Variants in RGS6 observed in about 807,000 individuals in gnomAD.
RGS6 encodes regulator of G-protein signaling 6.
A neutral mutation model predicts 78.5 loss-of-function variants in RGS6; 30 were observed. The ratio of observed to expected loss-of-function variants is 0.38; its 90% confidence interval spans 0.29 to 0.52. The LOEUF is 0.52. Among genes scored for constraint, RGS6 ranks in the 20% least tolerant of loss-of-function variants. The pLI is 0.85. For missense variants in RGS6, 495 were observed against 609.7 expected (o/e 0.81, Z 1.98); for synonymous variants, 206 against 206.0 (o/e 1.00, Z 0.00).
intron 2 of RGS6, among the ~76,000 whole-genome samples, chr14:72,152,245 A>AGTGT (rs10686344): frequency 1.1e-3 from 105 of 97,220 alleles, no homozygotes; most frequent in African/African-American, 1.8e-3. Context: ...AGAGAGAGAG[A>AGTGT]GTGTGTGTGT....
intron 2 of RGS6, among the ~76,000 whole-genome samples, chr14:71,980,316 G>T (rs977807617): frequency 7.5e-6 from 1 of 134,000 alleles, no homozygotes; most frequent in Non-Finnish European, 1.6e-5. Flanking sequence ...GATGTTAGCT[G>T]GTGATTTTGC....
In RGS6 at chr14:72,323,800, C is replaced by CAA. The variant is rs58303649; in HGVS notation, c.85-28255_85-28254dup. Among the ~76,000 whole-genome samples the CAA allele has an allele frequency of 1.4e-3, 24 of 16,816 alleles. 7 individuals are homozygous for CAA. The highest frequency in any genetic ancestry group is 7.9e-3 in the South Asian group (2 of 254). The allele number at this position is 16,816 out of a possible 152,430, so 11.0% of individuals were successfully genotyped here. A position where few individuals can be genotyped will look rare whatever the true frequency, so the allele number is the denominator to read the frequency against. On this transcript the variant is annotated intron_variant, in intron 2 of 17. Coordinates refer to ENST00000553525, the MANE Select transcript of RGS6 (RefSeq NM_001204424.2). ...TGGGTGACAGAGTGAGACTCCATCT[C>CAA]AAAAAAAAAAAAAAAAAAAAAAAAA...
chr14:72,612,997 T>TGTGTGC, the RGS6 span, among the ~76,000 whole-genome samples: 1 of 47,386 alleles, frequency 2.1e-5, no homozygotes, highest in Admixed American at 1.8e-4. Context: ...GTAGGGCGTG[T>TGTGTGC]GTGTGTGTGT....
intron 2 of RGS6, among the ~76,000 whole-genome samples, chr14:72,210,049 G>A (rs74909591): frequency 0.017 from 2,548 of 152,288 alleles, 35 homozygotes; most frequent in Non-Finnish European, 0.025. Context: ...TCAGGAAGAG[G>A]ATCTCTTGTC....
intron 3 of RGS6, among the ~76,000 whole-genome samples, chr14:72,377,403 A>G (rs995907833): frequency 6.6e-6 from 1 of 152,204 alleles, no homozygotes; most frequent in South Asian, 2.1e-4. Flanking sequence ...TAAAGCAAAT[A>G]TTATTAGATC....
At chr14:72,403,630 C>G (rs771717713) in intron 3 of RGS6, among the ~76,000 whole-genome samples, 4 of 152,170 alleles carry the variant, frequency 2.6e-5, no homozygotes, top group Non-Finnish European at 5.9e-5. Context: ...ATTGAAAACT[C>G]TTTGAGGTGA....
intron 2 of RGS6, among the ~76,000 whole-genome samples, chr14:72,046,282 TACAC>T (rs1362461936): frequency 1.3e-5 from 2 of 150,132 alleles, no homozygotes; most frequent in African/African-American, 4.9e-5. Flanking sequence ...GCATGACACA[TACAC>T]ACACCTCTCA....
At chr14:71,935,132 C>G (rs933220227) in intron 1 of RGS6, among the ~76,000 whole-genome samples, 2 of 152,134 alleles carry the variant, frequency 1.3e-5, no homozygotes, top group East Asian at 1.9e-4. Flanking sequence ...TAAATAATTA[C>G]TATACACACA....
chr14:72,208,270 C>G (rs2043170592), intron 2 of RGS6, among the ~76,000 whole-genome samples: 1 of 152,130 alleles, frequency 6.6e-6, no homozygotes, highest in African/African-American at 2.4e-5. Context: ...AGATGGAAGC[C>G]CATCAGAGCA....
intron 2 of RGS6, among the ~76,000 whole-genome samples, chr14:72,191,933 G>C (rs1215487400): frequency 6.6e-6 from 1 of 152,152 alleles, no homozygotes; most frequent in Non-Finnish European, 1.5e-5. Context: ...GAGCCCCAAG[G>C]TGGGATCAGG....
chr14:71,966,833 TTAA>T (rs1262020695), intron 2 of RGS6, among the ~76,000 whole-genome samples: 1 of 152,180 alleles, frequency 6.6e-6, no homozygotes, highest in East Asian at 1.9e-4. Context: ...GTTGGTGCTG[TTAA>T]TAAGTTGTCT....
At chr14:71,876,107 A>G in the RGS6 span, among the ~76,000 whole-genome samples, 2 of 152,350 alleles carry the variant, frequency 1.3e-5, no homozygotes, top group South Asian at 4.1e-4. Context: ...GGTGCTAAGA[A>G]GAATGTATAT....
intron 2 of RGS6, among the ~76,000 whole-genome samples, chr14:72,124,276 A>AT (rs1305143232): frequency 2.0e-5 from 3 of 152,162 alleles, no homozygotes; most frequent in Admixed American, 1.3e-4. Flanking sequence ...TGCATTTTTC[A>AT]TTTTAGAAAC....
intron 2 of RGS6, among the ~76,000 whole-genome samples, chr14:72,255,008 A>T (rs2056761610): frequency 6.6e-6 from 1 of 152,176 alleles, no homozygotes. Context: ...GATGGATTTT[A>T]TGGTTTTGAG....
intron 2 of RGS6, among the ~76,000 whole-genome samples, chr14:72,023,708 T>C (rs2089230729): frequency 6.6e-6 from 1 of 152,214 alleles, no homozygotes; most frequent in Admixed American, 6.5e-5. Flanking sequence ...ATCCTCTTCC[T>C]AATTCAAGCC....
intron 2 of RGS6, among the ~76,000 whole-genome samples, chr14:71,969,715 A>G (rs1362951997): frequency 6.6e-6 from 1 of 152,250 alleles, no homozygotes; most frequent in East Asian, 1.9e-4. Flanking sequence ...TTAAAAAATG[A>G]ATTATATGCA....
At chr14:72,011,073 T>G (rs1442583125) in intron 2 of RGS6, among the ~76,000 whole-genome samples, 1 of 152,228 alleles carries the variant, frequency 6.6e-6, no homozygotes, top group Non-Finnish European at 1.5e-5. Context: ...CTACTTGAGC[T>G]CCTGAAAGTA....
rs544817371 is a variant in RGS6, at chr14:72,253,824, A to C, written c.85-98271A>C. Among the ~76,000 whole-genome samples, 7 of 152,310 alleles carry C rather than the reference A, an allele frequency of 4.6e-5. No homozygotes were observed. In the South Asian group the frequency reaches 1.5e-3, roughly 32 times the overall value. ...TCAGCATAACTAAGAAATAAACCTTATTGTTTAAAACCACTAAGATGTATG... is the reference window on the plus strand; with the variant it reads ...TCAGCATAACTAAGAAATAAACCTTCTTGTTTAAAACCACTAAGATGTATG... On this transcript the variant is annotated intron_variant, in intron 2 of 17. Coordinates refer to ENST00000553525, the MANE Select transcript of RGS6 (RefSeq NM_001204424.2).
At chr14:72,614,717 G>T in the RGS6 span, among the ~76,000 whole-genome samples, 1 of 135,270 alleles carries the variant, frequency 7.4e-6, no homozygotes, top group Admixed American at 7.9e-5. Flanking sequence ...CTGGGCAGAG[G>T]TTTGGCCTTT....
Sources: gnomAD v4.1 joint callset for allele counts (sites outside exome capture counted in the v4.1 genomes callset) on GRCh38, gnomAD v4.1.1 for gene constraint, MANE v1.5 for transcripts, NCBI Gene and HGNC (gene_info 2026-07-23, HGNC 2026-07-21) for gene names.